Variants in BMPR1A observed in about 807,000 individuals in gnomAD.
The protein encoded by BMPR1A is bone morphogenetic protein receptor type 1A.
A neutral mutation model predicts 66.0 loss-of-function variants in BMPR1A; 7 were observed. The observed-to-expected ratio is 0.11, with a 90% CI of 0.06 to 0.20. The LOEUF (loss-of-function observed/expected upper bound fraction) is 0.20. BMPR1A is among the 10% of genes least tolerant of loss of function. BMPR1A has a pLI of 1.00. For synonymous variants in BMPR1A, 200 were observed against 229.7 expected, an observed-to-expected ratio of 0.87 and a Z score of 1.17; for missense variants, 408 against 669.1, an observed-to-expected ratio of 0.61 and a Z score of 4.31.
rs200642188 is a variant in BMPR1A at position 86,921,583 on chromosome 10, C to T, written c.1230C>T (p.Pro410=). 8.1e-6 allele frequency: 13 copies of T among 1,614,132 alleles called. No homozygotes were observed. Among genetic ancestry groups the T allele is most frequent in the Middle Eastern group, 1.6e-4 (1 of 6,062 alleles). Residue 410 remains proline, a synonymous_variant, in exon 11 of 13, where the codon CCC becomes CCT. Coordinates refer to ENST00000372037, the MANE Select transcript of BMPR1A (RefSeq NM_004329.3). ...TGGGCACCAAACGCTACATGGCTCC[C>T]GAAGTGCTGGACGAAAGCCTGAACA... The part of the protein sequence containing the change: ...TRVGTKRYMA[P]EVLDESLNKN...
intron 2 of BMPR1A, among the ~76,000 whole-genome samples, chr10:86,875,144 T>C (rs11202243): frequency 0.13 from 19,135 of 151,414 alleles, 1,537 homozygotes; most frequent in African/African-American, 0.22. Context: ...AGGCTGAGGC[T>C]GGCGGATCAC....
chr10:86,931,611 A>T (rs1163800452), downstream of BMPR1A: 2 of 152,116 alleles, frequency 1.3e-5, no homozygotes, highest in Non-Finnish European at 2.9e-5. Flanking sequence ...ATACTCCATG[A>T]TCTTCTAGCA....
intron 1 of BMPR1A, among the ~76,000 whole-genome samples, chr10:86,785,848 T>G (rs1237725996): frequency 1.3e-5 from 2 of 152,196 alleles, no homozygotes; most frequent in African/African-American, 4.8e-5. Flanking sequence ...GAGAATTAAC[T>G]TGGCTGATTG....
At chr10:86,832,263 C>T (rs1478507718) in intron 1 of BMPR1A, among the ~76,000 whole-genome samples, 1 of 151,996 alleles carries the variant, frequency 6.6e-6, no homozygotes, top group Non-Finnish European at 1.5e-5. Context: ...GTCAGGAATT[C>T]GAGATGAGCC....
intron 1 of BMPR1A, among the ~76,000 whole-genome samples, chr10:86,789,835 A>G (rs1385767450): frequency 6.6e-6 from 1 of 151,832 alleles, no homozygotes; most frequent in Non-Finnish European, 1.5e-5. Context: ...ACATAAGCTC[A>G]TGAAAATAAT....
chr10:86,883,698 A>C (rs989693254), intron 3 of BMPR1A, among the ~76,000 whole-genome samples: 2 of 151,878 alleles, frequency 1.3e-5, no homozygotes, highest in Non-Finnish European at 2.9e-5. Flanking sequence ...TCAACCCAGG[A>C]GGCAGAGGTT....
At chr10:86,922,695 G>A (rs548761704) in intron 11 of BMPR1A, among the ~76,000 whole-genome samples, 19 of 152,284 alleles carry the variant, frequency 1.2e-4, no homozygotes, top group African/African-American at 4.1e-4. Context: ...GTTCTCATTC[G>A]GGAAAGCTCC....
At chr10:86,781,328 A>G (rs1841434577) in intron 1 of BMPR1A, among the ~76,000 whole-genome samples, 1 of 152,168 alleles carries the variant, frequency 6.6e-6, no homozygotes, top group South Asian at 2.1e-4. Flanking sequence ...TTTGTGAGAA[A>G]TCCGCTGGCT....
At chr10:86,843,948 T>C (rs927811710) in intron 2 of BMPR1A, among the ~76,000 whole-genome samples, 10 of 152,036 alleles carry the variant, frequency 6.6e-5, no homozygotes, top group Non-Finnish European at 1.5e-5. Flanking sequence ...AAAGACTCAA[T>C]GATAAAGGTA....
chr10:86,832,249 C>G (rs187915902), intron 1 of BMPR1A, among the ~76,000 whole-genome samples: 1 of 152,066 alleles, frequency 6.6e-6, no homozygotes, highest in Non-Finnish European at 1.5e-5. Flanking sequence ...GGTTGGATCA[C>G]GAGGTCAGGA....
At chr10:86,921,930 T>C (rs1339793710) in intron 11 of BMPR1A, among the ~76,000 whole-genome samples, 2 of 152,206 alleles carry the variant, frequency 1.3e-5, no homozygotes, top group African/African-American at 4.8e-5. Context: ...GTTATACTCC[T>C]TGAGTTATTT....
rs79881430 is a variant in BMPR1A at position 86,765,514 on chromosome 10, C to G, written c.-268+8595C>G. On this transcript the variant is annotated intron_variant, in intron 1 of 12. Transcript: ENST00000372037. ...AAAAAAAAAAAAAAAAAGAATATTC[C>G]TCTCTCTCCTATGAAGCCCTCCTCA... 3.4e-3 allele frequency among the ~76,000 whole-genome samples: 513 copies of G among 150,522 alleles called. 4 individuals carry two copies. Among genetic ancestry groups the G allele is most frequent in the African/African-American group, 0.012 (490 of 41,054 alleles).
At position 86,774,671 on chromosome 10, in the gene BMPR1A, G is replaced by A. The variant is rs75173250; in HGVS notation, c.-268+17752G>A. 6.2e-3 allele frequency among the ~76,000 whole-genome samples: 943 copies of A among 152,274 alleles called. 7 individuals are homozygous for A. Among genetic ancestry groups the A allele is most frequent in the African/African-American group, 0.022 (912 of 41,552 alleles). On this transcript the variant is annotated intron_variant, in intron 1 of 12. Transcript: ENST00000372037. ...AACAATTTCTATTCTCACTTATCGT[G>A]TATTTGTAAAATCCCAAGTAAAACA...
intron 1 of BMPR1A, among the ~76,000 whole-genome samples, chr10:86,800,601 C>T (rs907694928): frequency 3.3e-5 from 5 of 152,144 alleles, no homozygotes; most frequent in African/African-American, 1.2e-4. Flanking sequence ...CCATGTTGGC[C>T]AGGTTGGTCT....
intron 1 of BMPR1A, among the ~76,000 whole-genome samples, chr10:86,760,635 G>A (rs560552366): frequency 2.0e-5 from 3 of 152,264 alleles, no homozygotes; most frequent in African/African-American, 7.2e-5. Flanking sequence ...AATGGGGAAA[G>A]GCTCCTGTCT....
At chr10:86,850,628 T>C (rs1288106384) in intron 2 of BMPR1A, among the ~76,000 whole-genome samples, 3 of 151,728 alleles carry the variant, frequency 2.0e-5, no homozygotes, top group African/African-American at 7.3e-5. Context: ...GCTCAAAGTT[T>C]TGTTGTTGTT....
At chr10:86,903,886 A>G (rs9633741) in intron 7 of BMPR1A, among the ~76,000 whole-genome samples, 22,304 of 150,734 alleles carry the variant, frequency 0.15, 2,641 homozygotes, top group East Asian at 0.67. Context: ...GATTACAGGC[A>G]TGAGCCACCG....
chr10:86,812,227 T>C (rs1841981519), intron 1 of BMPR1A, among the ~76,000 whole-genome samples: 1 of 152,190 alleles, frequency 6.6e-6, no homozygotes, highest in Non-Finnish European at 1.5e-5. Context: ...ACCCCAACTC[T>C]GGAAACCAGC....
chr10:86,895,606 A>G (rs1843214374), intron 5 of BMPR1A, among the ~76,000 whole-genome samples: 1 of 152,212 alleles, frequency 6.6e-6, no homozygotes, highest in Admixed American at 6.5e-5. Context: ...GCTTATGTGA[A>G]TACATTGTCT....
Sources: gnomAD v4.1 joint callset for allele counts (sites outside exome capture counted in the v4.1 genomes callset) on GRCh38, gnomAD v4.1.1 for gene constraint, MANE v1.5 for transcripts, NCBI Gene and HGNC (gene_info 2026-07-23, HGNC 2026-07-21) for gene names.